Variants in AOPEP observed in about 807,000 individuals in gnomAD.
AOPEP encodes aminopeptidase O (putative), also known as aminopeptidase O.
A neutral mutation model predicts 98.1 loss-of-function variants in AOPEP; 77 were observed. That is an observed-to-expected ratio of 0.78 (90% CI 0.65 to 0.95). AOPEP has a LOEUF of 0.95. Among genes scored for constraint, AOPEP ranks in the 40% least tolerant of loss-of-function variants. The pLI, the probability that AOPEP is intolerant of heterozygous loss-of-function variation, is 0.00. For synonymous variants in AOPEP, 346 were observed against 365.3 expected (o/e 0.95, Z 0.60); for missense variants, 1,024 against 1,024.7 (o/e 1.00, Z 0.01).
At chr9:95,139,409 T>C in the AOPEP span, among the ~76,000 whole-genome samples, 2 of 152,146 alleles carry the variant, frequency 1.3e-5, no homozygotes, top group African/African-American at 4.8e-5. Context: ...GTGTTAATCA[T>C]CGTACTGCTG....
chr9:94,783,348 C>A (rs1843698303), intron 3 of AOPEP, among the ~76,000 whole-genome samples: 1 of 152,224 alleles, frequency 6.6e-6, no homozygotes, highest in African/African-American at 2.4e-5. Flanking sequence ...TGGGTAGCAT[C>A]AGTGCTTGCA....
At chr9:94,808,549 T>C (rs1158640479) in intron 5 of AOPEP, among the ~76,000 whole-genome samples, 1 of 152,248 alleles carries the variant, frequency 6.6e-6, no homozygotes, top group African/African-American at 2.4e-5. Flanking sequence ...CTAACCATGC[T>C]ATTTATAGAG....
downstream of AOPEP, among the ~76,000 whole-genome samples, chr9:95,087,900 AG>A (rs1377192410): frequency 6.6e-6 from 1 of 152,140 alleles, no homozygotes; most frequent in Admixed American, 6.5e-5. Flanking sequence ...GCCTGGCTCC[AG>A]GGGGCAGCAC....
At chr9:94,916,712 A>AAATG (rs1238866414) in intron 5 of AOPEP, among the ~76,000 whole-genome samples, 1 of 148,366 alleles carries the variant, frequency 6.7e-6, no homozygotes, top group African/African-American at 2.5e-5. Flanking sequence ...AAAAAAAATT[A>AAATG]AATAAATAAA....
At chr9:95,148,828 A>ACCC in the AOPEP span, among the ~76,000 whole-genome samples, 1 of 152,218 alleles carries the variant, frequency 6.6e-6, no homozygotes, top group South Asian at 2.1e-4. Flanking sequence ...CATTGCAACT[A>ACCC]CCCTTTAAAA....
At chr9:95,085,545 T>G (rs1272633589) in intron 16 of AOPEP, 1 of 503,790 alleles carries the variant, frequency 2.0e-6, no homozygotes, top group Non-Finnish European at 4.1e-6. Context: ...GAAGGTGAGA[T>G]GGGGACAGTT....
the AOPEP span, among the ~76,000 whole-genome samples, chr9:95,093,480 G>A: frequency 6.6e-5 from 10 of 152,208 alleles, no homozygotes; most frequent in Admixed American, 1.3e-4. Flanking sequence ...CTTCAGGGCA[G>A]CGTTTAACGG....
intron 2 of AOPEP, among the ~76,000 whole-genome samples, chr9:94,766,660 T>G (rs1183427834): frequency 4.6e-5 from 7 of 152,230 alleles, no homozygotes; most frequent in Admixed American, 4.6e-4. Context: ...GCTGATGACA[T>G]CACTGAATTT....
chr9:94,813,116 G>A (rs888526115), intron 5 of AOPEP, among the ~76,000 whole-genome samples: 1 of 152,126 alleles, frequency 6.6e-6, no homozygotes, highest in African/African-American at 2.4e-5. Context: ...GCTATACGTT[G>A]TTAAGCTATA....
intron 16 of AOPEP, among the ~76,000 whole-genome samples, chr9:95,084,040 T>G (rs57232080): frequency 6.6e-6 from 1 of 152,158 alleles, no homozygotes; most frequent in African/African-American, 2.4e-5. Flanking sequence ...CAATCATCAT[T>G]ATTTCTGTGT....
At position 95,041,189 on chromosome 9, in the gene AOPEP, T is replaced by C. The variant is rs544358043; in HGVS notation, c.2116-19505T>C. 1.6e-4 allele frequency among the ~76,000 whole-genome samples: 25 copies of C among 152,312 alleles called. No homozygotes were observed. The South Asian group carries it at 4.6e-3, about 28-fold the overall frequency. The stretch of plus-strand genomic sequence containing the variant: ...TCTCAAACCAAAAGGCTCTGTGCCA[T>C]TCAGGAACTTAGCCAGTTTTCATGT... On this transcript the variant is annotated intron_variant, in intron 13 of 16. Transcript: ENST00000375315.
At chr9:95,141,847 A>G in the AOPEP span, among the ~76,000 whole-genome samples, 42 of 152,334 alleles carry the variant, frequency 2.8e-4, no homozygotes, top group Non-Finnish European at 5.4e-4. Context: ...ATGGGAATTA[A>G]GCTTACATCT....
At chr9:94,888,023 C>G (rs868790554) in intron 5 of AOPEP, among the ~76,000 whole-genome samples, 9 of 152,060 alleles carry the variant, frequency 5.9e-5, no homozygotes, top group African/African-American at 2.2e-4. Context: ...TGTTTGTTCA[C>G]TAAACTTTCA....
At chr9:94,818,623 G>A (rs2134127228) in intron 5 of AOPEP, among the ~76,000 whole-genome samples, 1 of 152,330 alleles carries the variant, frequency 6.6e-6, no homozygotes, top group African/African-American at 2.4e-5. Context: ...GAAGGGTAAA[G>A]AAGGCAGTAA....
intron 1 of AOPEP, among the ~76,000 whole-genome samples, chr9:94,741,420 C>A (rs1175771924): frequency 6.6e-6 from 1 of 151,832 alleles, no homozygotes; most frequent in Non-Finnish European, 1.5e-5. Context: ...CTACAGGCGC[C>A]CGCCACCATG....
At chr9:95,056,793 A>G (rs746971496) in intron 13 of AOPEP, among the ~76,000 whole-genome samples, 1 of 152,232 alleles carries the variant, frequency 6.6e-6, no homozygotes, top group Non-Finnish European at 1.5e-5. Flanking sequence ...TTTAGAGTAG[A>G]ACACAGACTT....
At chr9:94,781,743 G>C (rs1480266706) in intron 3 of AOPEP, among the ~76,000 whole-genome samples, 1 of 151,046 alleles carries the variant, frequency 6.6e-6, no homozygotes. Flanking sequence ...TGTATTTTTA[G>C]CAGAGACGGG....
intron 13 of AOPEP, among the ~76,000 whole-genome samples, chr9:95,024,631 G>A (rs1008676345): frequency 6.6e-6 from 1 of 152,252 alleles, no homozygotes; most frequent in East Asian, 1.9e-4. Flanking sequence ...CCTTTGGCCG[G>A]TTTGTTTGCC....
intron 1 of AOPEP, among the ~76,000 whole-genome samples, chr9:94,752,785 C>G (rs550811342): frequency 7.1e-4 from 108 of 152,312 alleles, no homozygotes; most frequent in Non-Finnish European, 1.3e-3. Flanking sequence ...CTAATCCCCT[C>G]TCCTTGAATC....
Sources: allele counts gnomAD v4.1 joint callset (sites outside exome capture counted in the v4.1 genomes callset), GRCh38; gene constraint gnomAD v4.1.1; transcripts MANE v1.5; gene names NCBI Gene and HGNC (gene_info 2026-07-23, HGNC 2026-07-21).